The following EPN1 variants were observed in gnomAD, a reference collection of about 807,000 sequenced individuals.
EPN1 encodes epsin-1.
A neutral mutation model predicts 56.9 loss-of-function variants in EPN1; 25 were observed. That is an observed-to-expected ratio of 0.44 (90% CI 0.32 to 0.61). The LOEUF (loss-of-function observed/expected upper bound fraction) is 0.61. Among genes scored for constraint, EPN1 ranks in the 20% least tolerant of loss-of-function variants. The pLI is 0.05. For missense variants in EPN1, 785 were observed against 823.7 expected (o/e 0.95, Z 0.58); for synonymous variants, 411 against 361.8 (o/e 1.14, Z -1.54).
At chr19:55,676,885 G>GC (rs1985470230) in intron 1 of EPN1, 1 of 325,132 alleles carries the variant, frequency 3.1e-6, no homozygotes, top group Non-Finnish European at 5.7e-6. Context: ...AGCTCCCTCT[G>GC]CCCAGGTTTC....
chr19:55,684,011 A>G (rs1307883106), intron 2 of EPN1, among the ~76,000 whole-genome samples: 1 of 152,196 alleles, frequency 6.6e-6, no homozygotes, highest in Non-Finnish European at 1.5e-5. Flanking sequence ...GGAGTTGTGG[A>G]CCTGGGACTG....
intron 2 of EPN1, among the ~76,000 whole-genome samples, chr19:55,683,190 G>A (rs901813389): frequency 6.6e-6 from 1 of 151,578 alleles, no homozygotes; most frequent in Non-Finnish European, 1.5e-5. Context: ...TGAGTAGCTG[G>A]GATTACAGGC....
In EPN1 at chr19:55,703,937, G is replaced by C. The variant is rs562925232; in HGVS notation, c.*8581G>C. 33 of 152,344 alleles carry C rather than the reference G, an allele frequency of 2.2e-4. No homozygotes were observed. Among genetic ancestry groups the C allele is most frequent in the African/African-American group, 6.5e-4 (27 of 41,590 alleles). The allele number at this position is 152,344 out of a possible 1,614,324, so 9.4% of individuals were successfully genotyped here. On this transcript the variant is annotated 3_prime_UTR_variant, in exon 11 of 11. Coordinates refer to ENST00000270460, the MANE Select transcript of EPN1 (RefSeq NM_001130072.2). ...GGACGGAGCCGCAGGCGGGGTTGTG[G>C]GAAGACGCTGGGATCCCGTGCGCGC...
chr19:55,690,250 G>A (rs1336262107), intron 6 of EPN1, among the ~76,000 whole-genome samples: 1 of 152,388 alleles, frequency 6.6e-6, no homozygotes, highest in East Asian at 1.9e-4. Context: ...GCCCAGAATA[G>A]GCCAACAGCC....
At position 55,703,282 on chromosome 19, in the gene EPN1, GTGTGTGTGTGT is replaced by G. The variant is rs1037576965; in HGVS notation, c.*7935_*7945del. 3.3e-5 allele frequency: 5 copies of G among 152,128 alleles called. No homozygotes were observed. The highest frequency in any genetic ancestry group is 1.2e-4 in the African/African-American group (5 of 41,372). 9.4% of individuals were successfully genotyped at this position (152,128 alleles called of 1,614,324 possible). A position where few individuals can be genotyped will look rare whatever the true frequency, so the allele number is the denominator to read the frequency against. On this transcript the variant is annotated 3_prime_UTR_variant, in exon 11 of 11. Coordinates refer to ENST00000270460, the MANE Select transcript of EPN1 (RefSeq NM_001130072.2). ...CCTCAACCAAGGAGATAGCTGCTGT[GTGTGTGTGTGT>G]TGTGTGTGGTTGGGACAGTCGGGGA... is the stretch of plus-strand genomic sequence containing the variant.
At chr19:55,677,200 A>G (rs1985495205) in intron 1 of EPN1, 1 of 1,534,088 alleles carries the variant, frequency 6.5e-7, no homozygotes, top group African/African-American at 1.4e-5. Flanking sequence ...CTCTGGAACC[A>G]GGCTGCTCCA....
intron 1 of EPN1, 88 bp from the exon 2 acceptor site, chr19:55,678,439 G>A (rs892463087): frequency 1.1e-5 from 14 of 1,315,814 alleles, no homozygotes; most frequent in South Asian, 1.5e-5. Context: ...AGCCTTCTGG[G>A]CCACAGTTAG....
chr19:55,690,048 ACACAAGGT>A (rs1393989459), intron 6 of EPN1, 98 bp downstream of exon 6: 2 of 1,181,630 alleles, frequency 1.7e-6, no homozygotes, highest in Non-Finnish European at 2.4e-6. Flanking sequence ...AGAGACTGAA[ACACAAGGT>A]CCTGGAGCTG....
rs777486944 is a variant in EPN1 at position 55,695,467 on chromosome 19, C to T, written c.*111C>T. The T allele has an allele frequency of 7.5e-5, 48 of 637,528 alleles. No homozygotes were observed. The highest frequency in any genetic ancestry group is 1.1e-4 in the Non-Finnish European group (42 of 369,098). The allele number at this position is 637,528 out of a possible 1,614,324, so 39.5% of individuals were successfully genotyped here. On this transcript the variant is annotated 3_prime_UTR_variant, in exon 11 of 11. Transcript: ENST00000270460. The surrounding 1 kb of genome is among the most constrained non-coding windows in gnomAD (Gnocchi z 4.4). ...GGGATCCCCACCCCCAGTGCCCTTC[C>T]CCTTCCTGGGGCCCACTCACACTAC...
rs762558866 is a variant in EPN1 at position 55,692,985 on chromosome 19, C to T, written c.1212C>T (p.Phe404=). The T allele has an allele frequency of 3.4e-5, 55 of 1,613,380 alleles. No homozygotes were observed. Among genetic ancestry groups the T allele is most frequent in the South Asian group, 3.1e-4 (28 of 91,070 alleles). The change falls in exon 9 of 11, where the codon TTC becomes TTT. Residue 404 remains phenylalanine (F), a synonymous_variant. Transcript: ENST00000270460. The part of the protein sequence containing the change: ...AGGFDTEPDE[F]SDFDRLRTAL... ...GATTCGACACGGAGCCCGACGAGTT[C>T]TCTGACTTTGACCGACTCCGCACGG...
Position 55,694,998 on chromosome 19 carries a change from A to G in EPN1, c.1522+15A>G. ...CCTGCCAGGCGGTGAGTGTGGGCCC[A>G]TCACCTGCTCAAGTCCTTCCTGTGG... On this transcript the variant is annotated intron_variant, in intron 10 of 10. Coordinates refer to ENST00000270460, the MANE Select transcript of EPN1 (RefSeq NM_001130072.2). This position sits in a 1 kb window ranked among gnomAD's most constrained non-coding sequence, Gnocchi z 4.2. 2 of 1,558,736 alleles carry G rather than the reference A, an allele frequency of 1.3e-6. No individual in the cohort carries two copies. Among genetic ancestry groups the G allele is most frequent in the South Asian group, 1.2e-5 (1 of 85,240 alleles).
At position 55,698,717 on chromosome 19, in the gene EPN1, T is replaced by G. The variant is rs1470572779; in HGVS notation, c.*3361T>G. The stretch of plus-strand genomic sequence containing the variant: ...CAGCCAGCCTCTGCCTTTTGCCTTT[T>G]CCTCATGTTCTCATTGAATAGGAAG... On this transcript the variant is annotated 3_prime_UTR_variant, in exon 11 of 11. Coordinates refer to ENST00000270460, the MANE Select transcript of EPN1 (RefSeq NM_001130072.2). 1 of 152,400 alleles carries G rather than the reference T, an allele frequency of 6.6e-6. No individual in the cohort carries two copies. Among genetic ancestry groups the G allele is most frequent in the Admixed American group, 6.5e-5 (1 of 15,278 alleles). The allele number at this position is 152,400 out of a possible 1,614,324, so 9.4% of individuals were successfully genotyped here.
chr19:55,684,604 C>T (rs554316414), intron 2 of EPN1, among the ~76,000 whole-genome samples: 2 of 152,170 alleles, frequency 1.3e-5, no homozygotes, highest in African/African-American at 4.8e-5. Flanking sequence ...CCTGGGTGCC[C>T]CTCCCAAGAG....
At position 55,703,148 on chromosome 19, in the gene EPN1, C is replaced by A. The variant is rs1987230346; in HGVS notation, c.*7792C>A. ...TCCTTTGGCCCTGCGTGGTCTCTCT[C>A]TGGCTGGGCAGCTCTGGGCCAGCCA... On this transcript the variant is annotated 3_prime_UTR_variant, in exon 11 of 11. Transcript: ENST00000270460. 1 of 152,260 alleles carries A rather than the reference C, an allele frequency of 6.6e-6. No individual in the cohort carries two copies. Among genetic ancestry groups the A allele is most frequent in the African/African-American group, 2.4e-5 (1 of 41,412 alleles). The allele number at this position is 152,260 out of a possible 1,614,324, so 9.4% of individuals were successfully genotyped here. A position where few individuals can be genotyped will look rare whatever the true frequency, so the allele number is the denominator to read the frequency against.
Position 55,691,905 on chromosome 19 carries a change from C to T in EPN1, c.914C>T (p.Ala305Val). 4 of 1,596,002 alleles carry T rather than the reference C, an allele frequency of 2.5e-6. No homozygotes were observed. The highest frequency in any genetic ancestry group is 3.4e-6 in the Non-Finnish European group (4 of 1,171,806). Residue 305 changes from alanine (A) to valine (V), a missense_variant, in exon 7 of 11, where the codon GCT becomes GTT. Around this residue, in one of 2 missense-constraint regions of EPN1, gnomAD observed 650 missense variants for 605.0 expected, o/e 1.07. Coordinates refer to ENST00000270460, the MANE Select transcript of EPN1 (RefSeq NM_001130072.2). This position sits in a 1 kb window ranked among gnomAD's most constrained non-coding sequence, Gnocchi z 5.6. ...PWGGPPVPPA[A>V]DPWGGPAPTP... ...GGCGGCCCCCCTGTCCCTCCAGCTG[C>T]TGATCCCTGGGGAGGTCCAGCCCCC...
At position 55,689,879 on chromosome 19, in the gene EPN1, C is replaced by T. The variant is rs773651149; in HGVS notation, c.691C>T (p.Arg231Cys). 8.1e-6 allele frequency: 13 copies of T among 1,603,230 alleles called. No individual in the cohort carries two copies. Among genetic ancestry groups the T allele is most frequent in the Admixed American group, 3.4e-5 (2 of 58,528 alleles). ...CGTGCCCCAACAGGAGGAGCGGATC[C>T]GTCGCGGGGATGACCTGCGGCTGCA... ...REEHDKEERI[R>C]RGDDLRLQMA... Residue 231 changes from arginine to cysteine, a missense_variant, in exon 6 of 11, where the codon CGT (arginine) becomes TGT (cysteine). Around this residue, in one of 2 missense-constraint regions of EPN1, gnomAD observed 650 missense variants for 605.0 expected, o/e 1.07. Coordinates refer to ENST00000270460, the MANE Select transcript of EPN1 (RefSeq NM_001130072.2). This position sits in a 1 kb window ranked among gnomAD's most constrained non-coding sequence, Gnocchi z 5.7.
In EPN1 at chr19:55,689,854, C is replaced by G; in HGVS notation, c.679-13C>G. On this transcript the variant is annotated splice_polypyrimidine_tract_variant and intron_variant, in intron 5 of 10. Transcript: ENST00000270460. The surrounding 1 kb of genome is among the most constrained non-coding windows in gnomAD (Gnocchi z 5.7). ...GTTCTCATGTCTCCCTGGTCGTGCC[C>G]GTGCCCCAACAGGAGGAGCGGATCC... 6.3e-7 allele frequency: 1 copy of G among 1,593,000 alleles called. No homozygotes were observed. Among genetic ancestry groups the G allele is most frequent in the Non-Finnish European group, 8.5e-7 (1 of 1,170,344 alleles).
Position 55,689,524 on chromosome 19 carries a change from A to G in EPN1, c.678+153A>G, listed in dbSNP as rs1323642726. The stretch of plus-strand genomic sequence containing the variant: ...CTCAGTACCTTCAGCCGTAGGATGT[A>G]GGACCACAAGTCAGACAGAGCCTGG... On this transcript the variant is annotated intron_variant, in intron 5 of 10. Coordinates refer to ENST00000270460, the MANE Select transcript of EPN1 (RefSeq NM_001130072.2). The surrounding 1 kb of genome is among the most constrained non-coding windows in gnomAD (Gnocchi z 5.7). Among the ~76,000 whole-genome samples, 1 of 152,164 alleles carries G rather than the reference A, an allele frequency of 6.6e-6. No individual in the cohort carries two copies. Among genetic ancestry groups the G allele is most frequent in the Non-Finnish European group, 1.5e-5 (1 of 68,026 alleles).
chr19:55,677,427 G>A (rs1030660698), intron 1 of EPN1: 2 of 676,914 alleles, frequency 3.0e-6, no homozygotes, highest in Non-Finnish European at 5.1e-6. Context: ...CACCAGTCTC[G>A]GGATGGGTTA....
Sources: gnomAD v4.1 joint callset for allele counts (sites outside exome capture counted in the v4.1 genomes callset) on GRCh38, gnomAD v4.1.1 for gene constraint, gnomAD v4.1.1 regional missense constraint, Gnocchi (gnomAD v3.1) non-coding constraint, MANE v1.5 for transcripts, NCBI Gene and HGNC (gene_info 2026-07-23, HGNC 2026-07-21) for gene names.